Variants in PCDH15 observed in about 807,000 individuals in gnomAD.
PCDH15 encodes the protein protocadherin-15.
PCDH15 carries 129 observed loss-of-function variants against 178.5 expected under a neutral mutation model. The observed-to-expected ratio is 0.72, with a 90% CI of 0.63 to 0.84. The LOEUF is 0.84. Among genes scored for constraint, PCDH15 ranks in the 40% least tolerant of loss-of-function variants. The pLI, the probability that PCDH15 is intolerant of heterozygous loss-of-function variation, is 0.00. For missense variants in PCDH15, 2,230 were observed against 2,099.9 expected, an observed-to-expected ratio of 1.06 and a Z score of -1.21; for synonymous variants, 800 against 732.0, an observed-to-expected ratio of 1.09 and a Z score of -1.50.
chr10:55,261,968 A>G (rs1201992918), intron 1 of PCDH15, among the ~76,000 whole-genome samples: 1 of 149,038 alleles, frequency 6.7e-6, no homozygotes, highest in Non-Finnish European at 1.5e-5. Context: ...TCTGCATGTC[A>G]TCTCAAATTC....
At chr10:53,915,622 C>T (rs899991252) in intron 25 of PCDH15, among the ~76,000 whole-genome samples, 10 of 152,184 alleles carry the variant, frequency 6.6e-5, no homozygotes, top group South Asian at 2.1e-4. Flanking sequence ...TGCAGTGGCA[C>T]GATCTTGGCT....
chr10:54,506,701 AAC>A (rs1428233886), intron 3 of PCDH15, among the ~76,000 whole-genome samples: 2 of 152,056 alleles, frequency 1.3e-5, no homozygotes, highest in East Asian at 1.9e-4. Flanking sequence ...GGACTGAAAA[AAC>A]AGTGTTTGCA....
At chr10:54,499,381 T>A (rs987084101) in intron 3 of PCDH15, among the ~76,000 whole-genome samples, 1 of 152,092 alleles carries the variant, frequency 6.6e-6, no homozygotes, top group African/African-American at 2.4e-5. Flanking sequence ...CCTTCTCATC[T>A]GAACACAGAA....
intron 2 of PCDH15, among the ~76,000 whole-genome samples, chr10:55,340,226 C>A (rs1171315222): frequency 3.3e-5 from 5 of 150,368 alleles, no homozygotes; most frequent in Non-Finnish European, 4.4e-5. Context: ...AAAATACATA[C>A]ACATACTAAT....
At chr10:54,590,217 T>C (rs1350833046) in intron 2 of PCDH15, among the ~76,000 whole-genome samples, 2 of 152,184 alleles carry the variant, frequency 1.3e-5, no homozygotes, top group East Asian at 1.9e-4. Flanking sequence ...TAAAGTGTTA[T>C]CATGCCCATA....
At chr10:54,373,829 C>G (rs113646475) in intron 4 of PCDH15, among the ~76,000 whole-genome samples, 1 of 152,056 alleles carries the variant, frequency 6.6e-6, no homozygotes, top group African/African-American at 2.4e-5. Context: ...TTTAAGATAT[C>G]TCTTAGTAGC....
At chr10:55,102,298 A>G (rs923130155) in intron 2 of PCDH15, among the ~76,000 whole-genome samples, 14 of 151,956 alleles carry the variant, frequency 9.2e-5, no homozygotes, top group African/African-American at 3.4e-4. Flanking sequence ...TTGACTTTAC[A>G]TTTTAGTTTT....
intron 2 of PCDH15, among the ~76,000 whole-genome samples, chr10:54,589,377 C>T (rs1258895932): frequency 1.3e-5 from 2 of 152,170 alleles, no homozygotes; most frequent in Non-Finnish European, 2.9e-5. Flanking sequence ...TAAACATCTT[C>T]TGCTCAAGGA....
At chr10:54,649,545 C>T (rs575408879) in intron 2 of PCDH15, among the ~76,000 whole-genome samples, 2 of 152,088 alleles carry the variant, frequency 1.3e-5, no homozygotes, top group African/African-American at 4.8e-5. Context: ...ATCAGTATTC[C>T]AATTTTTCAA....
chr10:54,105,912 A>C (rs185697383), intron 15 of PCDH15, among the ~76,000 whole-genome samples: 176 of 152,234 alleles, frequency 1.2e-3, no homozygotes, highest in Non-Finnish European at 2.1e-3. Flanking sequence ...TGATGAATGT[A>C]TAAAGTGTAG....
At chr10:54,990,703 T>C (rs956560105) in intron 2 of PCDH15, among the ~76,000 whole-genome samples, 2 of 152,154 alleles carry the variant, frequency 1.3e-5, no homozygotes, top group Non-Finnish European at 2.9e-5. Flanking sequence ...TTCATATCTG[T>C]TGCCATTTTA....
intron 18 of PCDH15, among the ~76,000 whole-genome samples, chr10:54,032,193 A>G (rs963618290): frequency 4.6e-5 from 7 of 151,930 alleles, no homozygotes; most frequent in African/African-American, 1.7e-4. Flanking sequence ...TGCTTTATCC[A>G]GTCATAAAAT....
At chr10:55,607,901 T>C (rs148259470) in intron 2 of PCDH15, among the ~76,000 whole-genome samples, 2,476 of 147,766 alleles carry the variant, frequency 0.017, 71 homozygotes, top group African/African-American at 0.058. Context: ...AGTATAATAA[T>C]AAAAAAAAAT....
chr10:55,240,977 G>A (rs1398299212), intron 1 of PCDH15, among the ~76,000 whole-genome samples: 3 of 152,166 alleles, frequency 2.0e-5, no homozygotes, highest in Middle Eastern at 3.2e-3. Flanking sequence ...AGCATTTTGG[G>A]AGGCCAAGGC....
intron 32 of PCDH15, chr10:53,823,348 G>A: frequency 6.2e-7 from 1 of 1,613,274 alleles, no homozygotes. Flanking sequence ...AAATGGTAGA[G>A]AAGGAAAAGA....
At chr10:54,778,562 T>C (rs1183102279) in intron 1 of PCDH15, among the ~76,000 whole-genome samples, 1 of 152,160 alleles carries the variant, frequency 6.6e-6, no homozygotes, top group African/African-American at 2.4e-5. Flanking sequence ...ACACTTTTGT[T>C]TCTGGTTAGT....
chr10:54,034,473 T>C (rs767640029), intron 18 of PCDH15, among the ~76,000 whole-genome samples: 1 of 151,950 alleles, frequency 6.6e-6, no homozygotes, highest in Non-Finnish European at 1.5e-5. Context: ...TAAAAATGTA[T>C]GTTAGGTATT....
At chr10:54,830,220 C>G (rs1432452101) in intron 3 of PCDH15, among the ~76,000 whole-genome samples, 1 of 152,116 alleles carries the variant, frequency 6.6e-6, no homozygotes, top group Non-Finnish European at 1.5e-5. Flanking sequence ...TTGACCCAGC[C>G]ATCCCATTAC....
intron 15 of PCDH15, among the ~76,000 whole-genome samples, chr10:54,103,760 T>G (rs1434054200): frequency 6.6e-6 from 1 of 152,180 alleles, no homozygotes; most frequent in Non-Finnish European, 1.5e-5. Flanking sequence ...ATAACCTTTT[T>G]TTAACTCCTG....
Sources: allele counts gnomAD v4.1 joint callset (sites outside exome capture counted in the v4.1 genomes callset), GRCh38; gene constraint gnomAD v4.1.1; transcripts MANE v1.5; gene names NCBI Gene and HGNC (gene_info 2026-07-23, HGNC 2026-07-21).